The following ATP1A2 variants were observed in gnomAD, a reference collection of about 807,000 sequenced individuals.
ATP1A2 encodes the protein sodium/potassium-transporting ATPase subunit alpha-2.
Under a neutral mutation model 113.1 loss-of-function variants are expected in ATP1A2, and 56 were observed. The observed-to-expected ratio is 0.49, with a 90% CI of 0.40 to 0.62. The LOEUF (loss-of-function observed/expected upper bound fraction) is 0.62, where lower values mean the gene tolerates loss of function less well. Among genes scored for constraint, ATP1A2 ranks in the 20% least tolerant of loss-of-function variants. The pLI is 0.00. For synonymous variants in ATP1A2, 490 were observed against 526.8 expected (o/e 0.93, Z 0.96); for missense variants, 712 against 1,357.8 (o/e 0.52, Z 7.47).
At position 160,136,063 on chromosome 1, in the gene ATP1A2, G is replaced by A. The variant is rs957792406; in HGVS notation, c.2439+70G>A. 41 of 1,612,150 alleles carry A rather than the reference G, an allele frequency of 2.5e-5. No homozygotes were observed. In the Middle Eastern group the frequency reaches 4.9e-4, roughly 19 times the overall value. ...TGGCACAGTGGCAGGGAGGAGAGGT[G>A]CACTGGGGCAGTGGCCCCAGCTGTG... On this transcript the variant is annotated intron_variant, in intron 17 of 22. Coordinates refer to ENST00000361216, the MANE Select transcript of ATP1A2 (RefSeq NM_000702.4).
chr1:160,136,206 C>T, intron 17 of ATP1A2, 41 bp from the exon 18 acceptor site: 1 of 1,613,730 alleles, frequency 6.2e-7, no homozygotes, highest in Non-Finnish European at 8.5e-7. Flanking sequence ...CTCCTACGTC[C>T]CTTCAAATGC....
intron 1 of ATP1A2, among the ~76,000 whole-genome samples, chr1:160,117,837 C>T (rs1367290371): frequency 1.3e-5 from 2 of 152,068 alleles, no homozygotes; most frequent in Non-Finnish European, 2.9e-5. Flanking sequence ...GGAGCGTTGG[C>T]GGATTCCCAG....
chr1:160,123,848 C>G, intron 4 of ATP1A2, 95 bp from the exon 5 acceptor site: 1 of 1,111,916 alleles, frequency 9.0e-7, no homozygotes, highest in South Asian at 1.3e-5. Context: ...TCTGGGCTGT[C>G]ATCTTGGATG....
chr1:160,127,594 T>C lies in ATP1A2; in HGVS notation c.791T>C (p.Val264Ala). The change falls in exon 8 of 23, where the codon GTG (valine) becomes GCG (alanine). Residue 264 changes from valine (V) to alanine (A), a missense_variant. This residue lies in a region of ATP1A2 where 99 missense variants were observed against 180.4 expected (regional missense o/e 0.55). Coordinates refer to ENST00000361216, the MANE Select transcript of ATP1A2 (RefSeq NM_000702.4). Reference protein sequence around the residue: ...GIVIATGDRTVMGRIATLASG... With the variant: ...GIVIATGDRTAMGRIATLASG... ...GTGATTGCCACAGGAGACCGGACGGTGATGGGCCGCATAGCTACTCTCGCC... is the reference window on the plus strand; with the variant it reads ...GTGATTGCCACAGGAGACCGGACGGCGATGGGCCGCATAGCTACTCTCGCC... 6.2e-7 allele frequency: 1 copy of C among 1,614,174 alleles called. No homozygotes were observed. Among genetic ancestry groups the C allele is most frequent in the South Asian group, 1.1e-5 (1 of 91,074 alleles).
At position 160,141,688 on chromosome 1, in the gene ATP1A2, T is replaced by C. The variant is rs1652154830; in HGVS notation, c.*366T>C. On this transcript the variant is annotated 3_prime_UTR_variant, in exon 23 of 23. Coordinates refer to ENST00000361216, the MANE Select transcript of ATP1A2 (RefSeq NM_000702.4). Reference sequence around the variant, plus strand: ...ATCAGCATCCAAAAGCAGGAACCCATCTAAACCAGAAGGAAGCCCTCTCAG... The same window carrying C: ...ATCAGCATCCAAAAGCAGGAACCCACCTAAACCAGAAGGAAGCCCTCTCAG... 4 of 335,794 alleles carry C rather than the reference T, an allele frequency of 1.2e-5. No individual in the cohort carries two copies. Among genetic ancestry groups the C allele is most frequent in the Non-Finnish European group, 1.7e-5 (3 of 173,126 alleles). 20.8% of individuals were successfully genotyped at this position (335,794 alleles called of 1,614,324 possible). A position where few individuals can be genotyped will look rare whatever the true frequency, so the allele number is the denominator to read the frequency against.
intron 13 of ATP1A2, 127 bp downstream of exon 13, chr1:160,130,724 G>T: frequency 7.4e-7 from 1 of 1,344,568 alleles, no homozygotes; most frequent in Non-Finnish European, 1.0e-6. Context: ...CAGAGAAGAA[G>T]CTGTCCATCT....
At position 160,129,051 on chromosome 1, in the gene ATP1A2, G is replaced by A. The variant is rs370111257; in HGVS notation, c.1288G>A (p.Val430Ile). Residue 430 changes from valine (V) to isoleucine (I), a missense_variant, in exon 10 of 23, where the codon GTC becomes ATC. By Grantham distance (29) the Val-to-Ile change is conservative. This residue lies in a region of ATP1A2 where 263 missense variants were observed against 380.6 expected (regional missense o/e 0.69). Transcript: ENST00000361216. Reference sequence around the variant, plus strand: ...AATTGCTGGTCTCTGCAACCGCGCCGTCTTCAAGGCAGGACAGGAGAACAT... The same window carrying A: ...AATTGCTGGTCTCTGCAACCGCGCCATCTTCAAGGCAGGACAGGAGAACAT... ...SRIAGLCNRA[V>I]FKAGQENISV... 1.6e-5 allele frequency: 26 copies of A among 1,613,124 alleles called. No individual in the cohort carries two copies. Among genetic ancestry groups the A allele is most frequent in the East Asian group, 4.5e-5 (2 of 44,850 alleles).
rs781687346 is a variant in ATP1A2 at position 160,115,869 on chromosome 1, G to A, written c.8G>A (p.Arg3His). The change falls in exon 1 of 23, where the codon CGT (arginine) becomes CAT (histidine). Residue 3 changes from arginine (R) to histidine (H), a missense_variant. Arg to His is a conservative substitution (Grantham distance 29). Transcript: ENST00000361216. The stretch of plus-strand genomic sequence containing the variant: ...CAGCCACTCTGCCCCAAGATGGGCC[G>A]TGGGGTGAGTATCCCTAAAGAGCAG... MG[R>H]GAGREYSPAA... is the part of the protein sequence containing the mutation. 173 of 1,601,230 alleles carry A rather than the reference G, an allele frequency of 1.1e-4. No homozygotes were observed. The highest frequency in any genetic ancestry group is 1.4e-4 in the Non-Finnish European group (160 of 1,174,248).
chr1:160,134,738 C>A (rs1651881534), intron 14 of ATP1A2, 118 bp downstream of exon 14: 2 of 1,440,118 alleles, frequency 1.4e-6, no homozygotes, highest in African/African-American at 1.4e-5. Context: ...GGCCTTACCT[C>A]TGACACTATT....
intron 22 of ATP1A2, 41 bp from the exon 23 acceptor site, chr1:160,141,253 T>G (rs376108666): frequency 7.4e-6 from 12 of 1,613,368 alleles, no homozygotes; most frequent in Non-Finnish European, 9.3e-6. Flanking sequence ...TGCCTCCTTT[T>G]AAGCTCATGC....
Position 160,119,256 on chromosome 1 carries a change from C to CAAAAAAAAAAAAAAAAAA in ATP1A2, c.13-1640_13-1623dup, listed in dbSNP as rs386368465. Among the ~76,000 whole-genome samples, 50 of 49,430 alleles carry CAAAAAAAAAAAAAAAAAA rather than the reference C, an allele frequency of 1.0e-3. 15 individuals are homozygous for CAAAAAAAAAAAAAAAAAA. The highest frequency in any genetic ancestry group is 1.6e-3 in the East Asian group (2 of 1,282). The allele number at this position is 49,430 out of a possible 152,430, so 32.4% of individuals were successfully genotyped here. The stretch of plus-strand genomic sequence containing the variant: ...AAACCCCCAAAACTGCATTATCCTG[C>CAAAAAAAAAAAAAAAAAA]AAAAAAAAAAAAAAAAAAAAAAAAA... On this transcript the variant is annotated intron_variant, in intron 1 of 22. Coordinates refer to ENST00000361216, the MANE Select transcript of ATP1A2 (RefSeq NM_000702.4).
Position 160,135,338 on chromosome 1 carries a change from G to A in ATP1A2, c.2115+43G>A. On this transcript the variant is annotated intron_variant, in intron 15 of 22. Transcript: ENST00000361216. This position sits in a 1 kb window ranked among gnomAD's most constrained non-coding sequence, Gnocchi z 6.3. The stretch of plus-strand genomic sequence containing the variant: ...AGGCAGATGACAGGCAGGGACCGGG[G>A]AGGCAGGGACAGGGCCAAGACAAGC... The A allele has an allele frequency of 6.2e-7, 1 of 1,614,210 alleles. No individual in the cohort carries two copies. Among genetic ancestry groups the A allele is most frequent in the Non-Finnish European group, 8.5e-7 (1 of 1,180,034 alleles).
At chr1:160,123,440 G>T in intron 4 of ATP1A2, 24 bp downstream of exon 4, 1 of 1,614,006 alleles carries the variant, frequency 6.2e-7, no homozygotes, top group Non-Finnish European at 8.5e-7. Flanking sequence ...CCCGACCCGG[G>T]AACAGCCCGT....
intron 11 of ATP1A2, 92 bp downstream of exon 11, chr1:160,129,492 G>C: frequency 1.9e-6 from 3 of 1,578,480 alleles, no homozygotes; most frequent in Non-Finnish European, 2.6e-6. Context: ...AGCAGGAGTG[G>C]GGGTGTCTGA....
At chr1:160,125,676 A>G (rs1651565150) in intron 7 of ATP1A2, 2 of 212,624 alleles carry the variant, frequency 9.4e-6, no homozygotes, top group East Asian at 1.2e-4. Context: ...TGCTTTGGCC[A>G]GGGCCCCAGG....
intron 1 of ATP1A2, among the ~76,000 whole-genome samples, chr1:160,118,849 C>T (rs891489466): frequency 6.6e-6 from 1 of 152,046 alleles, no homozygotes; most frequent in Non-Finnish European, 1.5e-5. Flanking sequence ...ATGAACAAGG[C>T]AGCTGCCATA....
chr1:160,123,192 C>T lies in ATP1A2; in HGVS notation c.178-21C>T, dbSNP rs199660548. 2,509 of 1,613,704 alleles carry T rather than the reference C, an allele frequency of 1.6e-3. 32 individuals carry two copies. The South Asian group carries it at 0.017, about 11-fold the overall frequency. On this transcript the variant is annotated intron_variant, in intron 3 of 22. Coordinates refer to ENST00000361216, the MANE Select transcript of ATP1A2 (RefSeq NM_000702.4). ...GGTTGGCTCCGGATGCGTGCCCCTA[C>T]GCCTCTCCTTGCTCCCTCAGGGCCT...
chr1:160,134,348 CA>C (rs1247877613), intron 13 of ATP1A2, 135 bp from the exon 14 acceptor site: 1 of 1,271,126 alleles, frequency 7.9e-7, no homozygotes, highest in East Asian at 2.5e-5. Flanking sequence ...GACGCACACA[CA>C]CATGCCCTTA....
intron 3 of ATP1A2, 85 bp from the exon 4 acceptor site, chr1:160,123,128 A>G (rs551196059): frequency 6.6e-7 from 1 of 1,503,970 alleles, no homozygotes; most frequent in African/African-American, 1.4e-5. Context: ...CATTCTTCCC[A>G]TGCCCGGGAG....
Sources: gnomAD v4.1 joint callset for allele counts (sites outside exome capture counted in the v4.1 genomes callset) on GRCh38, gnomAD v4.1.1 for gene constraint, gnomAD v4.1.1 regional missense constraint, Gnocchi (gnomAD v3.1) non-coding constraint, MANE v1.5 for transcripts, NCBI Gene and HGNC (gene_info 2026-07-23, HGNC 2026-07-21) for gene names.